The following UBTD2 variants were observed in gnomAD, a reference collection of about 807,000 sequenced individuals.
UBTD2 encodes the protein ubiquitin domain containing 2, also known as ubiquitin domain-containing protein 2.
Under a neutral mutation model 19.8 loss-of-function variants are expected in UBTD2, and 9 were observed. The ratio of observed to expected loss-of-function variants is 0.46; its 90% CI spans 0.27 to 0.79. UBTD2 has a LOEUF of 0.79. UBTD2 is among the 30% of genes least tolerant of loss of function. The probability of loss-of-function intolerance (pLI) is 0.14; values close to 1 mark genes in which losing one functional copy is unlikely to be tolerated. For synonymous variants in UBTD2, 98 were observed against 103.9 expected (o/e 0.94, Z 0.35); for missense variants, 250 against 300.4 (o/e 0.83, Z 1.24).
chr5:172,280,138 G>A (rs1755680542), intron 1 of UBTD2, among the ~76,000 whole-genome samples: 1 of 151,600 alleles, frequency 6.6e-6, no homozygotes, highest in Non-Finnish European at 1.5e-5. Flanking sequence ...GAAATTCTAG[G>A]AGCATGGAAG....
At chr5:172,219,437 G>T (rs915539187) in intron 2 of UBTD2, among the ~76,000 whole-genome samples, 1 of 152,060 alleles carries the variant, frequency 6.6e-6, no homozygotes, top group African/African-American at 2.4e-5. Flanking sequence ...GCTCCATCTG[G>T]CCTGGGACAT....
At chr5:172,256,637 G>A (rs1755159242) in intron 1 of UBTD2, among the ~76,000 whole-genome samples, 1 of 150,912 alleles carries the variant, frequency 6.6e-6, no homozygotes, top group African/African-American at 2.4e-5. Context: ...GTTTCTAAAA[G>A]CGGCCAGGCG....
intron 1 of UBTD2, among the ~76,000 whole-genome samples, chr5:172,280,509 C>CAAAAAAAA (rs376156166): frequency 1.1e-5 from 1 of 95,012 alleles, no homozygotes; most frequent in African/African-American, 4.2e-5. Context: ...GACTCCATCT[C>CAAAAAAAA]AAAAAAAAAA....
chr5:172,273,574 G>A (rs1463666522), intron 1 of UBTD2, among the ~76,000 whole-genome samples: 1 of 122,030 alleles, frequency 8.2e-6, no homozygotes, highest in South Asian at 2.7e-4. Context: ...CTGGGCGACA[G>A]AGTGAGACTC....
intron 1 of UBTD2, among the ~76,000 whole-genome samples, chr5:172,270,418 T>C (rs1213243368): frequency 7.1e-6 from 1 of 141,046 alleles, no homozygotes; most frequent in Non-Finnish European, 1.5e-5. Context: ...AGTGCAATGG[T>C]GCGATCTCGG....
chr5:172,237,334 C>T (rs1772032598), intron 1 of UBTD2, among the ~76,000 whole-genome samples: 1 of 152,088 alleles, frequency 6.6e-6, no homozygotes, highest in South Asian at 2.1e-4. Flanking sequence ...CTTCATGATC[C>T]GCCCGCCTCA....
chr5:172,220,715 C>A (rs1771634361), intron 2 of UBTD2, among the ~76,000 whole-genome samples: 1 of 152,110 alleles, frequency 6.6e-6, no homozygotes, highest in Admixed American at 6.5e-5. Context: ...GGGAACAAGA[C>A]AAGGATGTCC....
chr5:172,231,440 T>A (rs571364631), intron 2 of UBTD2, among the ~76,000 whole-genome samples: 97 of 152,324 alleles, frequency 6.4e-4, no homozygotes, highest in African/African-American at 2.3e-3. Context: ...CTGAGAGTAA[T>A]TCTCCCTGAT....
intron 2 of UBTD2, among the ~76,000 whole-genome samples, chr5:172,223,825 T>C (rs1475896998): frequency 6.6e-6 from 1 of 152,050 alleles, no homozygotes; most frequent in South Asian, 2.1e-4. Flanking sequence ...AGGGATTGGT[T>C]CTCAGATTAG....
At chr5:172,232,726 A>G (rs1222437931) in intron 2 of UBTD2, among the ~76,000 whole-genome samples, 5 of 151,218 alleles carry the variant, frequency 3.3e-5, no homozygotes, top group Non-Finnish European at 1.5e-5. Flanking sequence ...ACAAAAAAAC[A>G]AAAAAAAAGT....
chr5:172,253,867 C>T (rs1755082104), intron 1 of UBTD2, among the ~76,000 whole-genome samples: 1 of 152,054 alleles, frequency 6.6e-6, no homozygotes, highest in Non-Finnish European at 1.5e-5. Flanking sequence ...TTCCCTTGTT[C>T]TTATTACATC....
intron 1 of UBTD2, chr5:172,254,655 C>G: frequency 1.6e-6 from 1 of 606,242 alleles, no homozygotes; most frequent in East Asian, 3.1e-5. Flanking sequence ...CTTCGAGTAT[C>G]CGGGGATTCC....
rs1554130036 is a variant in UBTD2, at chr5:172,264,572, A to AAC, written c.70+19023_70+19024insGT. On this transcript the variant is annotated intron_variant, in intron 1 of 2. Coordinates refer to ENST00000393792, the MANE Select transcript of UBTD2 (RefSeq NM_152277.3). Reference sequence around the variant, plus strand: ...AAAAATTAAAAAATTAAAAAAAAAAAAAAACAAAACAACCCAAGGGGCTAG... The same window carrying AAC: ...AAAAATTAAAAAATTAAAAAAAAAAAACAAAACAAAACAACCCAAGGGGCTAG... Among the ~76,000 whole-genome samples the AAC allele has an allele frequency of 4.8e-4, 71 of 149,328 alleles. 2 individuals carry two copies. In the East Asian group the frequency reaches 8.1e-3, roughly 17 times the overall value.
intron 1 of UBTD2, among the ~76,000 whole-genome samples, chr5:172,253,351 C>T (rs1284508605): frequency 6.6e-6 from 1 of 152,146 alleles, no homozygotes; most frequent in Non-Finnish European, 1.5e-5. Flanking sequence ...CCATTATTAG[C>T]TGGGTATTCC....
intron 1 of UBTD2, among the ~76,000 whole-genome samples, chr5:172,281,852 T>C (rs1755722950): frequency 6.6e-6 from 1 of 152,184 alleles, no homozygotes; most frequent in Non-Finnish European, 1.5e-5. Context: ...TAATGTTCCT[T>C]TTTCTAAACT....
intron 2 of UBTD2, among the ~76,000 whole-genome samples, chr5:172,227,143 C>G (rs1191220932): frequency 3.9e-5 from 6 of 152,072 alleles, no homozygotes; most frequent in Non-Finnish European, 7.4e-5. Flanking sequence ...CATGTAGAAA[C>G]CCTGTGTTCC....
At chr5:172,217,180 G>C (rs1771560556) in intron 2 of UBTD2, among the ~76,000 whole-genome samples, 1 of 152,026 alleles carries the variant, frequency 6.6e-6, no homozygotes, top group African/African-American at 2.4e-5. Context: ...GGGAGGCCAA[G>C]GTGGGTGGAT....
intron 1 of UBTD2, among the ~76,000 whole-genome samples, chr5:172,273,748 G>A (rs1289777242): frequency 6.6e-6 from 1 of 151,970 alleles, no homozygotes; most frequent in Non-Finnish European, 1.5e-5. Context: ...GTAAACTCTA[G>A]TGCTAAAACT....
At chr5:172,255,450 T>C in intron 1 of UBTD2, 1 of 466,316 alleles carries the variant, frequency 2.1e-6, no homozygotes, top group Non-Finnish European at 4.3e-6. Context: ...TTAAACCTTC[T>C]AGGGTGCTCT....
Sources: gnomAD v4.1 joint callset for allele counts (sites outside exome capture counted in the v4.1 genomes callset) on GRCh38, gnomAD v4.1.1 for gene constraint, MANE v1.5 for transcripts, NCBI Gene and HGNC (gene_info 2026-07-23, HGNC 2026-07-21) for gene names.